Variants in RALGAPA1 observed in about 807,000 individuals in gnomAD.
The protein encoded by RALGAPA1 is Ral GTPase activating protein catalytic subunit alpha 1.
In RALGAPA1, 52 loss-of-function variants were observed where a neutral mutation model predicts 269.6. That is an observed-to-expected ratio of 0.19 (90% CI 0.15 to 0.24). The LOEUF is 0.24. RALGAPA1 is among the 10% of genes least tolerant of loss of function. The probability of loss-of-function intolerance (pLI) is 1.00; values close to 1 mark genes in which losing one functional copy is unlikely to be tolerated. For missense variants in RALGAPA1, 1,917 were observed against 3,013.9 expected (o/e 0.64, Z 8.52); for synonymous variants, 817 against 1,008.3 (o/e 0.81, Z 3.60).
chr14:35,783,215 G>A (rs1207685685), intron 1 of RALGAPA1, among the ~76,000 whole-genome samples: 4 of 151,880 alleles, frequency 2.6e-5, no homozygotes, highest in African/African-American at 9.7e-5. Context: ...ACATATAGAT[G>A]AATGGAACAA....
chr14:35,751,700 G>C (rs1296681007), intron 8 of RALGAPA1, among the ~76,000 whole-genome samples: 1 of 151,642 alleles, frequency 6.6e-6, no homozygotes, highest in African/African-American at 2.4e-5. Context: ...AGGACTGCCT[G>C]AGCTCAGCAG....
intron 16 of RALGAPA1, among the ~76,000 whole-genome samples, chr14:35,718,646 T>C (rs780559015): frequency 6.6e-6 from 1 of 151,922 alleles, no homozygotes; most frequent in African/African-American, 2.4e-5. Flanking sequence ...TGAAACTCCG[T>C]GTCCACTAAA....
At chr14:35,750,429 A>G in intron 9 of RALGAPA1, 53 bp downstream of exon 9, 1 of 1,417,176 alleles carries the variant, frequency 7.1e-7, no homozygotes, top group Non-Finnish European at 9.9e-7. Flanking sequence ...TCAATGGACT[A>G]AATCTCAAAA....
At chr14:35,745,537 G>A (rs1356150045) in intron 10 of RALGAPA1, among the ~76,000 whole-genome samples, 1 of 151,626 alleles carries the variant, frequency 6.6e-6, no homozygotes, top group Non-Finnish European at 1.5e-5. Flanking sequence ...AGGTTGAGGC[G>A]GGCAGATCAC....
intron 1 of RALGAPA1, among the ~76,000 whole-genome samples, chr14:35,782,775 A>C (rs2075537750): frequency 6.6e-6 from 1 of 152,078 alleles, no homozygotes; most frequent in South Asian, 2.1e-4. Flanking sequence ...AAAACTGACA[A>C]GCTAATCCTA....
At chr14:35,551,462 C>G in intron 39 of RALGAPA1, among the ~76,000 whole-genome samples, 1 of 152,024 alleles carries the variant, frequency 6.6e-6, no homozygotes, top group East Asian at 1.9e-4. Flanking sequence ...AGTCTGCTAT[C>G]AAAACAAGCT....
At chr14:35,577,473 G>A (rs1270350303) in intron 37 of RALGAPA1, among the ~76,000 whole-genome samples, 1 of 152,186 alleles carries the variant, frequency 6.6e-6, no homozygotes, top group African/African-American at 2.4e-5. Flanking sequence ...CTGTGAACAA[G>A]GGAGTGGTCC....
intron 12 of RALGAPA1, among the ~76,000 whole-genome samples, chr14:35,730,450 C>A (rs2070372909): frequency 6.6e-6 from 1 of 152,132 alleles, no homozygotes. Flanking sequence ...GAACCAAAGC[C>A]CATTTCTTTC....
At chr14:35,789,065 TA>T (rs1013896108) in intron 1 of RALGAPA1, among the ~76,000 whole-genome samples, 18 of 152,102 alleles carry the variant, frequency 1.2e-4, no homozygotes, top group African/African-American at 4.1e-4. Flanking sequence ...TATGTTGTAA[TA>T]AAAAAATCAA....
intron 28 of RALGAPA1, among the ~76,000 whole-genome samples, chr14:35,658,130 G>A (rs1465955634): frequency 6.6e-6 from 1 of 152,162 alleles, no homozygotes; most frequent in Non-Finnish European, 1.5e-5. Flanking sequence ...AAATCGTGAT[G>A]AGAATTAAAT....
chr14:35,757,656 A>G (rs1407862437), intron 6 of RALGAPA1, among the ~76,000 whole-genome samples: 1 of 152,234 alleles, frequency 6.6e-6, no homozygotes, highest in Non-Finnish European at 1.5e-5. Context: ...ACAAAATAAG[A>G]AAGTTCTATA....
chr14:35,611,809 A>G (rs1270288853), intron 35 of RALGAPA1, among the ~76,000 whole-genome samples: 1 of 152,184 alleles, frequency 6.6e-6, no homozygotes, highest in African/African-American at 2.4e-5. Flanking sequence ...TCACAGGAAA[A>G]TGTAATAGAC....
chr14:35,666,641 G>A (rs529104359), intron 26 of RALGAPA1, among the ~76,000 whole-genome samples: 27 of 152,198 alleles, frequency 1.8e-4, no homozygotes, highest in African/African-American at 6.3e-4. Context: ...TTCTCAACAG[G>A]TATCCCTCAT....
chr14:35,746,132 T>A (rs953868133), intron 10 of RALGAPA1, among the ~76,000 whole-genome samples: 2 of 152,140 alleles, frequency 1.3e-5, no homozygotes, highest in Non-Finnish European at 2.9e-5. Context: ...CCAGCAGACA[T>A]TATTCTAAGT....
At chr14:35,569,122 C>T (rs942745572) in intron 39 of RALGAPA1, among the ~76,000 whole-genome samples, 2 of 152,100 alleles carry the variant, frequency 1.3e-5, no homozygotes, top group Non-Finnish European at 2.9e-5. Flanking sequence ...TGTCAGAATA[C>T]ATGAGAAATT....
At chr14:35,751,261 A>T (rs934214279) in intron 8 of RALGAPA1, among the ~76,000 whole-genome samples, 2 of 152,220 alleles carry the variant, frequency 1.3e-5, no homozygotes, top group Admixed American at 6.5e-5. Context: ...CTTTTGCACC[A>T]ATCTATATAA....
intron 37 of RALGAPA1, among the ~76,000 whole-genome samples, chr14:35,584,250 A>G (rs1343389962): frequency 1.3e-5 from 2 of 152,096 alleles, no homozygotes; most frequent in African/African-American, 2.4e-5. Context: ...TGCAAGCAGT[A>G]ATATATAAGC....
intron 16 of RALGAPA1, among the ~76,000 whole-genome samples, chr14:35,703,182 G>T (rs766036541): frequency 3.3e-5 from 5 of 152,118 alleles, no homozygotes; most frequent in Admixed American, 1.3e-4. Context: ...CTTTAAAAAT[G>T]TACCCCTTGG....
chr14:35,713,315 G>A (rs1422119497), intron 16 of RALGAPA1, among the ~76,000 whole-genome samples: 2 of 152,168 alleles, frequency 1.3e-5, no homozygotes, highest in African/African-American at 4.8e-5. Flanking sequence ...ATCAGAGTTT[G>A]GGGATATAGG....
Sources: gnomAD v4.1 joint callset for allele counts (sites outside exome capture counted in the v4.1 genomes callset) on GRCh38, gnomAD v4.1.1 for gene constraint, MANE v1.5 for transcripts, NCBI Gene and HGNC (gene_info 2026-07-23, HGNC 2026-07-21) for gene names.